The following ADGRG6 variants were observed in gnomAD, a reference collection of about 807,000 sequenced individuals.
ADGRG6 encodes adhesion G protein-coupled receptor G6.
ADGRG6 carries 84 observed loss-of-function variants against 142.4 expected under a neutral mutation model. That is an observed-to-expected ratio of 0.59 (90% CI 0.49 to 0.71). ADGRG6 has a LOEUF of 0.71. Among genes scored for constraint, ADGRG6 ranks in the 30% least tolerant of loss-of-function variants. ADGRG6 has a pLI of 0.00. For synonymous variants in ADGRG6, 521 were observed against 520.5 expected (o/e 1.00, Z -0.01); for missense variants, 1,367 against 1,466.6 (o/e 0.93, Z 1.11).
chr6:142,323,721 T>A (rs562204588), intron 2 of ADGRG6, among the ~76,000 whole-genome samples: 1 of 152,266 alleles, frequency 6.6e-6, no homozygotes, highest in Admixed American at 6.6e-5. Context: ...TAACAGGTAC[T>A]GAATACTGTA....
intron 21 of ADGRG6, 36 bp from the exon 22 acceptor site, chr6:142,419,785 A>G: frequency 1.3e-6 from 2 of 1,522,246 alleles, no homozygotes; most frequent in South Asian, 1.2e-5. Context: ...ACATGGTAAT[A>G]AATCTTTTTT....
At chr6:142,412,280 A>C (rs1776127908) in intron 18 of ADGRG6, among the ~76,000 whole-genome samples, 1 of 152,148 alleles carries the variant, frequency 6.6e-6, no homozygotes, top group South Asian at 2.1e-4. Context: ...GTTTTCATAA[A>C]GGGACCAAAC....
chr6:142,398,472 A>G (rs1251377280), intron 10 of ADGRG6, among the ~76,000 whole-genome samples: 1 of 152,168 alleles, frequency 6.6e-6, no homozygotes, highest in African/African-American at 2.4e-5. Flanking sequence ...CCCTGTCTCT[A>G]TTAGTGATAC....
At position 142,405,706 on chromosome 6, in the gene ADGRG6, C is replaced by A; in HGVS notation, c.2146C>A (p.Gln716Lys). Residue 716 changes from glutamine (Q) to lysine (K), a missense_variant, in exon 15 of 25, where the codon CAA becomes AAA. This residue lies in a region of ADGRG6 where 286 missense variants were observed against 371.4 expected (regional missense o/e 0.77). Coordinates refer to ENST00000367609, the MANE Select transcript of ADGRG6 (RefSeq NM_198569.3). ...SYFQMDFESGQVDPLASVILP... is the reference protein window; with the variant it reads ...SYFQMDFESGKVDPLASVILP... ...GTGACAGATGGATTTTGAGAGTGGA[C>A]AAGTGGATCCACTGGCATCTGTAAT... 1 of 1,606,972 alleles carries A rather than the reference C, an allele frequency of 6.2e-7. No homozygotes were observed. The highest frequency in any genetic ancestry group is 8.5e-7 in the Non-Finnish European group (1 of 1,174,364).
At chr6:142,313,210 G>T (rs1420368822) in intron 2 of ADGRG6, among the ~76,000 whole-genome samples, 1 of 151,960 alleles carries the variant, frequency 6.6e-6, no homozygotes, top group African/African-American at 2.4e-5. Flanking sequence ...GACCAGAGAG[G>T]CATAGAAGTG....
rs569714425 is a variant in ADGRG6, at chr6:142,402,643, C to G, written c.1768C>G (p.Gln590Glu). The G allele has an allele frequency of 6.3e-7, 1 of 1,597,758 alleles. No homozygotes were observed. Among genetic ancestry groups the G allele is most frequent in the African/African-American group, 1.3e-5 (1 of 74,702 alleles). ...AGAAGAAGCAAATGAAGTTGCTAAC[C>G]AGATTTTAAATTTAACTGCTGATGG... is the stretch of plus-strand genomic sequence containing the variant. Reference protein sequence around the residue: ...CLKEANEVANQILNLTADGQN... With the variant: ...CLKEANEVANEILNLTADGQN... Residue 590 changes from glutamine to glutamate, a missense_variant, in exon 13 of 25, where the codon CAG becomes GAG. By Grantham distance (29) the Gln-to-Glu change is conservative. Coordinates refer to ENST00000367609, the MANE Select transcript of ADGRG6 (RefSeq NM_198569.3).
Position 142,415,973 on chromosome 6 carries a change from G to A in ADGRG6, c.2847G>A (p.Gly949=). 6.2e-7 allele frequency: 1 copy of A among 1,612,708 alleles called. No individual in the cohort carries two copies. The highest frequency in any genetic ancestry group is 8.5e-7 in the Non-Finnish European group (1 of 1,178,866). The change falls in exon 20 of 25, where the codon GGG becomes GGA. Residue 949 remains glycine (G), a synonymous_variant. Transcript: ENST00000367609. ...FFLLATFTWM[G]LEAIHMYIAL... ...TTCTGGCAACCTTTACCTGGATGGG[G>A]CTAGAAGCAATTCACATGTACATTG...
intron 2 of ADGRG6, among the ~76,000 whole-genome samples, chr6:142,327,793 G>A (rs1022919636): frequency 3.3e-5 from 5 of 152,030 alleles, no homozygotes; most frequent in African/African-American, 9.7e-5. Context: ...GTAATGATCA[G>A]TAATCATAAA....
At chr6:142,306,173 T>G (rs544112909) in intron 1 of ADGRG6, among the ~76,000 whole-genome samples, 9 of 152,198 alleles carry the variant, frequency 5.9e-5, no homozygotes, top group Non-Finnish European at 1.0e-4. Flanking sequence ...TCAAAATTTC[T>G]TCACTAATTT....
At chr6:142,415,742 A>G (rs959830659) in intron 19 of ADGRG6, 54 bp from the exon 20 acceptor site, 1 of 1,295,098 alleles carries the variant, frequency 7.7e-7, no homozygotes, top group Admixed American at 1.7e-5. Context: ...CCTGTGCTTA[A>G]AAGATTGATA....
intron 2 of ADGRG6, among the ~76,000 whole-genome samples, chr6:142,336,563 T>A (rs1013206696): frequency 1.3e-5 from 2 of 152,186 alleles, no homozygotes; most frequent in Admixed American, 6.5e-5. Context: ...CTACTGATAA[T>A]CAAATATAGC....
chr6:142,367,258 T>G (rs1240634109), intron 2 of ADGRG6, among the ~76,000 whole-genome samples: 1 of 152,152 alleles, frequency 6.6e-6, no homozygotes, highest in African/African-American at 2.4e-5. Flanking sequence ...CTCCTTGAAA[T>G]TGTGTGTAAC....
chr6:142,414,059 G>A (rs1443393831), intron 18 of ADGRG6, among the ~76,000 whole-genome samples: 5 of 151,914 alleles, frequency 3.3e-5, no homozygotes, highest in South Asian at 4.1e-4. Flanking sequence ...AAAAGTTTAC[G>A]CTAGATATTC....
chr6:142,303,201 A>G (rs1458482453), intron 1 of ADGRG6, among the ~76,000 whole-genome samples: 1 of 152,150 alleles, frequency 6.6e-6, no homozygotes, highest in East Asian at 1.9e-4. Context: ...CGTGACAGAC[A>G]TTTTATCCCC....
At chr6:142,417,187 T>C in intron 20 of ADGRG6, 86 bp from the exon 21 acceptor site, 1 of 775,542 alleles carries the variant, frequency 1.3e-6, no homozygotes. Context: ...CTTCTTTTCA[T>C]TTCTTTTCTT....
At chr6:142,331,949 G>A (rs1240030327) in intron 2 of ADGRG6, among the ~76,000 whole-genome samples, 2 of 151,814 alleles carry the variant, frequency 1.3e-5, no homozygotes, top group Non-Finnish European at 1.5e-5. Context: ...TTATTAATTC[G>A]GTACCATATT....
At chr6:142,396,069 A>G (rs1222554607) in intron 9 of ADGRG6, among the ~76,000 whole-genome samples, 2 of 152,164 alleles carry the variant, frequency 1.3e-5, no homozygotes. Flanking sequence ...GTGAAAATGT[A>G]TGGCTATTCC....
chr6:142,409,041 A>G (rs959000204), intron 16 of ADGRG6, among the ~76,000 whole-genome samples: 1 of 152,114 alleles, frequency 6.6e-6, no homozygotes, highest in Non-Finnish European at 1.5e-5. Flanking sequence ...ACATAATATA[A>G]ATGTATCATC....
At chr6:142,409,956 A>T in intron 17 of ADGRG6, 37 bp downstream of exon 17, 1 of 963,604 alleles carries the variant, frequency 1.0e-6, no homozygotes, top group Non-Finnish European at 1.6e-6. Flanking sequence ...AATATAGATA[A>T]CAACTGAATT....
Sources: allele counts gnomAD v4.1 joint callset (sites outside exome capture counted in the v4.1 genomes callset), GRCh38; gene constraint gnomAD v4.1.1; regional missense constraint gnomAD v4.1.1; transcripts MANE v1.5; gene names NCBI Gene and HGNC (gene_info 2026-07-23, HGNC 2026-07-21).